Variants in MFSD1 observed in about 807,000 individuals in gnomAD.
MFSD1 encodes lysosomal dipeptide transporter MFSD1.
Under a neutral mutation model 67.1 loss-of-function variants are expected in MFSD1, and 59 were observed. The observed-to-expected ratio is 0.88, with a 90% CI of 0.71 to 1.09. The LOEUF (loss-of-function observed/expected upper bound fraction) is 1.09. MFSD1 is among the 50% of genes least tolerant of loss of function. MFSD1 has a pLI of 0.00. For synonymous variants in MFSD1, 213 were observed against 200.3 expected (o/e 1.06, Z -0.54); for missense variants, 552 against 566.1 (o/e 0.97, Z 0.25).
intron 5 of MFSD1, 106 bp from the exon 6 acceptor site, chr3:158,809,073 A>G: frequency 1.4e-6 from 1 of 735,926 alleles, no homozygotes; most frequent in Non-Finnish European, 2.1e-6. Context: ...CAGAGGCCCC[A>G]TCTCTTGATA....
intron 13 of MFSD1, among the ~76,000 whole-genome samples, 177 bp from the exon 14 acceptor site, chr3:158,825,838 G>T (rs1730938510): frequency 6.6e-6 from 1 of 152,154 alleles, no homozygotes; most frequent in Admixed American, 6.5e-5. Flanking sequence ...GGAGAAAATA[G>T]TGTGTAACTT....
At chr3:158,818,368 A>C (rs1730487261) in intron 7 of MFSD1, among the ~76,000 whole-genome samples, 2 of 149,852 alleles carry the variant, frequency 1.3e-5, no homozygotes, top group African/African-American at 2.5e-5. Context: ...AACACTCAAA[A>C]CCCTCTCTTC....
chr3:158,816,922 G>T (rs1344744875), intron 7 of MFSD1, among the ~76,000 whole-genome samples: 3 of 150,884 alleles, frequency 2.0e-5, no homozygotes, highest in East Asian at 1.9e-4. Context: ...TTTCCCCATT[G>T]CTTGTTTTTC....
At chr3:158,809,727 A>G (rs903354036) in intron 6 of MFSD1, among the ~76,000 whole-genome samples, 1 of 152,188 alleles carries the variant, frequency 6.6e-6, no homozygotes, top group African/African-American at 2.4e-5. Context: ...TCCATTTACA[A>G]GTAGCTTTTA....
At chr3:158,810,261 C>A (rs1306352407) in intron 6 of MFSD1, among the ~76,000 whole-genome samples, 2 of 152,092 alleles carry the variant, frequency 1.3e-5, no homozygotes, top group East Asian at 3.9e-4. Flanking sequence ...TTGGCATTCC[C>A]AAATCCCATT....
intron 7 of MFSD1, among the ~76,000 whole-genome samples, chr3:158,815,927 GTTTACTGAGAAT>G (rs1730309600): frequency 6.6e-6 from 1 of 151,852 alleles, no homozygotes; most frequent in Non-Finnish European, 1.5e-5. Flanking sequence ...CCTTGTGATA[GTTTACTGAGAAT>G]GATGATTTCC....
At position 158,807,028 on chromosome 3, in the gene MFSD1, T is replaced by C; in HGVS notation, c.330-12T>C. On this transcript the variant is annotated splice_polypyrimidine_tract_variant and intron_variant, in intron 3 of 15. Transcript: ENST00000415822. The stretch of plus-strand genomic sequence containing the variant: ...TTCTTTTTCTCATTCTCATTCTTTC[T>C]TTCCCAAACAGATGGGGCACAATCA... The C allele has an allele frequency of 6.2e-7, 1 of 1,604,860 alleles. No individual in the cohort carries two copies. Among genetic ancestry groups the C allele is most frequent in the Non-Finnish European group, 8.5e-7 (1 of 1,176,098 alleles).
intron 6 of MFSD1, among the ~76,000 whole-genome samples, chr3:158,811,383 T>C (rs1730009915): frequency 6.6e-6 from 1 of 152,212 alleles, no homozygotes. Flanking sequence ...AGTAGGCAGT[T>C]GCATATACAG....
At chr3:158,814,478 G>C (rs749451854) in intron 7 of MFSD1, among the ~76,000 whole-genome samples, 3 of 151,818 alleles carry the variant, frequency 2.0e-5, no homozygotes, top group Non-Finnish European at 4.4e-5. Context: ...CTGCCACCAT[G>C]CCTGGCTAAT....
intron 6 of MFSD1, among the ~76,000 whole-genome samples, chr3:158,810,601 G>T (rs1279034191): frequency 6.6e-6 from 1 of 152,114 alleles, no homozygotes; most frequent in Non-Finnish European, 1.5e-5. Flanking sequence ...AGTCTCCATA[G>T]GCTAAGTGGC....
intron 13 of MFSD1, 97 bp downstream of exon 13, chr3:158,824,333 A>T: frequency 1.2e-6 from 1 of 826,556 alleles, no homozygotes. Context: ...CCTAATTCTC[A>T]CCTGTGAATT....
chr3:158,806,095 A>G lies in MFSD1; in HGVS notation c.329+621A>G, dbSNP rs1729712242. 2.6e-5 allele frequency among the ~76,000 whole-genome samples: 4 copies of G among 152,286 alleles called. No homozygotes were observed. The South Asian group carries it at 8.3e-4, about 32-fold the overall frequency. ...CTGAAGAGGAATATAGACTGGGAATATTTTCAGAAGGCAAAGACCAAGATG... is the reference window on the plus strand; with the variant it reads ...CTGAAGAGGAATATAGACTGGGAATGTTTTCAGAAGGCAAAGACCAAGATG... On this transcript the variant is annotated intron_variant, in intron 3 of 15. Coordinates refer to ENST00000415822, the MANE Select transcript of MFSD1 (RefSeq NM_022736.4).
chr3:158,809,334 T>A (rs1430859117), intron 6 of MFSD1, 47 bp downstream of exon 6: 1 of 1,199,452 alleles, frequency 8.3e-7, no homozygotes, highest in Admixed American at 2.2e-5. Flanking sequence ...AGCAAAAGAT[T>A]AAATCTTATA....
At chr3:158,826,302 T>C (rs1391014604) in intron 14 of MFSD1, among the ~76,000 whole-genome samples, 3 of 152,164 alleles carry the variant, frequency 2.0e-5, no homozygotes, top group Admixed American at 2.0e-4. Context: ...TATAAAATCT[T>C]AGATGTTATT....
At chr3:158,813,764 C>CTT (rs3050667) in intron 6 of MFSD1, among the ~76,000 whole-genome samples, 6 of 132,214 alleles carry the variant, frequency 4.5e-5, no homozygotes, top group East Asian at 2.2e-4. Context: ...AATAAATTGG[C>CTT]TTTTTTTTTT....
intron 1 of MFSD1, chr3:158,802,591 C>T (rs772593798): frequency 1.5e-6 from 1 of 687,406 alleles, no homozygotes; most frequent in South Asian, 1.5e-5. Flanking sequence ...GCTAGCGACT[C>T]GCCCTAGAGG....
chr3:158,829,060 G>GT lies in MFSD1; in HGVS notation c.*81dup, dbSNP rs78482130. Reference sequence around the variant, plus strand: ...AAACTTCCATTTTTAAAAATTTAGAGTTTAGTCATTAGAAAAAATAATGGA... The same window carrying GT: ...AAACTTCCATTTTTAAAAATTTAGAGTTTTAGTCATTAGAAAAAATAATGGA... On this transcript the variant is annotated 3_prime_UTR_variant, in exon 16 of 16. Transcript: ENST00000415822. 166,473 of 1,379,168 alleles carry GT rather than the reference G, an allele frequency of 0.12. 11,066 individuals are homozygous for GT. Among genetic ancestry groups the GT allele is most frequent in the East Asian group, 0.18 (7,478 of 41,738 alleles). 85.4% of individuals were successfully genotyped at this position (1,379,168 alleles called of 1,614,324 possible).
intron 9 of MFSD1, among the ~76,000 whole-genome samples, chr3:158,820,843 C>T (rs918120979): frequency 1.3e-5 from 2 of 152,190 alleles, no homozygotes; most frequent in Admixed American, 1.3e-4. Context: ...GGGTCACTTC[C>T]ATGACAGGTG....
At chr3:158,820,827 TC>T (rs1730632290) in intron 9 of MFSD1, among the ~76,000 whole-genome samples, 1 of 152,136 alleles carries the variant, frequency 6.6e-6, no homozygotes, top group South Asian at 2.1e-4. Flanking sequence ...TCAATTACCT[TC>T]TACAGGGTCA....
Sources: gnomAD v4.1 joint callset for allele counts (sites outside exome capture counted in the v4.1 genomes callset) on GRCh38, gnomAD v4.1.1 for gene constraint, MANE v1.5 for transcripts, NCBI Gene and HGNC (gene_info 2026-07-23, HGNC 2026-07-21) for gene names.